The following CSNK1G1 variants were observed in gnomAD, a reference collection of about 807,000 sequenced individuals.
The protein encoded by CSNK1G1 is casein kinase I isoform gamma-1.
A neutral mutation model predicts 59.6 loss-of-function variants in CSNK1G1; 22 were observed. The observed-to-expected ratio is 0.37, with a 90% CI of 0.26 to 0.53. The LOEUF is 0.53. Among genes scored for constraint, CSNK1G1 ranks in the 20% least tolerant of loss-of-function variants. The pLI is 0.89. For synonymous variants in CSNK1G1, 179 were observed against 177.1 expected (o/e 1.01, Z -0.08); for missense variants, 384 against 519.5 (o/e 0.74, Z 2.54).
Position 64,322,847 on chromosome 15 carries a change from G to C in CSNK1G1, c.-224-22124C>G, listed in dbSNP as rs145465161. Among the ~76,000 whole-genome samples, 126 of 151,898 alleles carry C rather than the reference G, an allele frequency of 8.3e-4. 1 individual carries two copies. Among genetic ancestry groups the C allele is most frequent in the African/African-American group, 3.0e-3 (123 of 41,480 alleles). ...AAACTAAATAAGTAAGTAAAATAAAGTCAGTTATTATAAAATTTAAGATAG... is the reference window on the plus strand; with the variant it reads ...AAACTAAATAAGTAAGTAAAATAAACTCAGTTATTATAAAATTTAAGATAG... On this transcript the variant is annotated intron_variant, in intron 1 of 11. Transcript: ENST00000303052.
intron 1 of CSNK1G1, among the ~76,000 whole-genome samples, chr15:64,352,908 G>A (rs1381490726): frequency 2.0e-5 from 3 of 151,810 alleles, no homozygotes; most frequent in Non-Finnish European, 4.4e-5. Flanking sequence ...GGCCAACATG[G>A]CAAAACGCCT....
In CSNK1G1 at chr15:64,216,545, GAGC is replaced by G. The variant is rs745956593; in HGVS notation, c.444+14_444+16del. The G allele has an allele frequency of 4.3e-6, 7 of 1,612,916 alleles. No individual in the cohort carries two copies. The highest frequency in any genetic ancestry group is 5.9e-6 in the Non-Finnish European group (7 of 1,179,160). On this transcript the variant is annotated intron_variant, in intron 5 of 11. Transcript: ENST00000303052. This position sits in a 1 kb window ranked among gnomAD's most constrained non-coding sequence, Gnocchi z 4.6. The stretch of plus-strand genomic sequence containing the variant: ...GGAACCAGCTTATTCTCTTCTAGAA[GAGC>G]AATTCCAACTTACCAGCTGGATGGC...
At chr15:64,249,467 T>C (rs1243808711) in intron 4 of CSNK1G1, among the ~76,000 whole-genome samples, 1 of 152,108 alleles carries the variant, frequency 6.6e-6, no homozygotes. Flanking sequence ...AAGAGGCCAG[T>C]AGTCACCACT....
At chr15:64,259,330 G>T in intron 2 of CSNK1G1, 89 bp from the exon 3 acceptor site, 1 of 857,238 alleles carries the variant, frequency 1.2e-6, no homozygotes, top group Non-Finnish European at 1.8e-6. Flanking sequence ...CATGAGAAAG[G>T]TTATATTCCC....
chr15:64,305,537 C>G (rs1453710485), intron 1 of CSNK1G1, among the ~76,000 whole-genome samples: 1 of 151,384 alleles, frequency 6.6e-6, no homozygotes, highest in Non-Finnish European at 1.5e-5. Flanking sequence ...GGCAACAAAA[C>G]GAGATCCTGT....
intron 1 of CSNK1G1, among the ~76,000 whole-genome samples, chr15:64,333,461 GT>G (rs1304758600): frequency 1.6e-4 from 4 of 24,330 alleles, no homozygotes; most frequent in African/African-American, 4.0e-4. Context: ...AAAAAAAAAG[GT>G]CAATATGTAC....
chr15:64,318,614 T>C (rs78151939), intron 1 of CSNK1G1, among the ~76,000 whole-genome samples: 1 of 140,106 alleles, frequency 7.1e-6, no homozygotes, highest in African/African-American at 2.6e-5. Context: ...TGGCATGATC[T>C]TTTTTTTTTT....
intron 2 of CSNK1G1, among the ~76,000 whole-genome samples, chr15:64,295,420 C>T (rs1269550260): frequency 6.6e-6 from 1 of 152,168 alleles, no homozygotes; most frequent in African/African-American, 2.4e-5. Context: ...TTCTTCCCAT[C>T]AAATAATTAG....
At chr15:64,238,518 A>AAAAAAAATAT (rs1555396879) in intron 4 of CSNK1G1, among the ~76,000 whole-genome samples, 4 of 49,246 alleles carry the variant, frequency 8.1e-5, no homozygotes, top group African/African-American at 3.5e-4. Context: ...AAAAAAAAAA[A>AAAAAAAATAT]ATATATATAT....
At chr15:64,237,417 TTTC>T (rs1784694935) in intron 4 of CSNK1G1, among the ~76,000 whole-genome samples, 2 of 152,192 alleles carry the variant, frequency 1.3e-5, no homozygotes, top group Non-Finnish European at 2.9e-5. Flanking sequence ...TATTTCATCC[TTTC>T]TTCCCAGGTT....
chr15:64,259,281 A>G (rs753399598), intron 2 of CSNK1G1, 40 bp from the exon 3 acceptor site: 5 of 1,506,638 alleles, frequency 3.3e-6, no homozygotes, highest in Non-Finnish European at 4.5e-6. Flanking sequence ...AGTGACATTT[A>G]TTCTGGGAAA....
At chr15:64,320,759 T>A (rs1896521681) in intron 1 of CSNK1G1, among the ~76,000 whole-genome samples, 1 of 151,994 alleles carries the variant, frequency 6.6e-6, no homozygotes, top group African/African-American at 2.4e-5. Flanking sequence ...TTTCAGAAGT[T>A]GCTTAACACT....
intron 4 of CSNK1G1, among the ~76,000 whole-genome samples, chr15:64,241,579 T>C (rs981745714): frequency 6.6e-6 from 1 of 152,044 alleles, no homozygotes. Context: ...TTTCAAAAAA[T>C]TTAAAATAAA....
intron 10 of CSNK1G1, among the ~76,000 whole-genome samples, chr15:64,182,292 C>T (rs1567358914): frequency 6.6e-6 from 1 of 152,134 alleles, no homozygotes; most frequent in South Asian, 2.1e-4. Context: ...AGGCTAGTCT[C>T]GAACTCCTGA....
intron 1 of CSNK1G1, among the ~76,000 whole-genome samples, chr15:64,320,830 A>G (rs896682659): frequency 2.6e-5 from 4 of 152,148 alleles, no homozygotes; most frequent in African/African-American, 9.7e-5. Flanking sequence ...AAAATTTTTA[A>G]ATACTGTCCA....
chr15:64,237,415 C>T (rs1275164436), intron 4 of CSNK1G1, among the ~76,000 whole-genome samples: 1 of 152,108 alleles, frequency 6.6e-6, no homozygotes, highest in African/African-American at 2.4e-5. Flanking sequence ...ACTATTTCAT[C>T]CTTTCTTCCC....
chr15:64,264,674 T>C (rs1892885994), intron 2 of CSNK1G1, among the ~76,000 whole-genome samples: 1 of 152,160 alleles, frequency 6.6e-6, no homozygotes, highest in Admixed American at 6.5e-5. Flanking sequence ...TGATTCACCA[T>C]GATCACATGG....
chr15:64,183,218 G>A (rs557611667), intron 10 of CSNK1G1, among the ~76,000 whole-genome samples: 47 of 152,180 alleles, frequency 3.1e-4, no homozygotes, highest in African/African-American at 9.2e-4. Context: ...AATTCTCCTC[G>A]CTACAAATTG....
In CSNK1G1 at chr15:64,204,772, A is replaced by G. The variant is rs569037423; in HGVS notation, c.850+93T>C. On this transcript the variant is annotated intron_variant, in intron 8 of 11. Coordinates refer to ENST00000303052, the MANE Select transcript of CSNK1G1 (RefSeq NM_022048.5). ...TGTATCACAAAAGGAAATGTTAATT[A>G]CCTAAACAGCACCCCTATCTAGAGA... is the stretch of plus-strand genomic sequence containing the variant. 103 of 1,096,584 alleles carry G rather than the reference A, an allele frequency of 9.4e-5. No homozygotes were observed. In the African/African-American group the frequency reaches 1.6e-3, roughly 17 times the overall value. The allele number at this position is 1,096,584 out of a possible 1,614,324, so 67.9% of individuals were successfully genotyped here.
Sources: allele counts gnomAD v4.1 joint callset (sites outside exome capture counted in the v4.1 genomes callset), GRCh38; gene constraint gnomAD v4.1.1; non-coding constraint Gnocchi (gnomAD v3.1); transcripts MANE v1.5; gene names NCBI Gene and HGNC (gene_info 2026-07-23, HGNC 2026-07-21).